Variants in ATG9B observed in about 807,000 individuals in gnomAD.
ATG9B encodes the protein autophagy related 9B, also known as autophagy-related protein 9B.
A neutral mutation model predicts 92.9 loss-of-function variants in ATG9B; 92 were observed. The observed-to-expected ratio is 0.99, with a 90% confidence interval of 0.84 to 1.18. The LOEUF is 1.18. Among genes scored for constraint, ATG9B ranks in the 50% most tolerant of loss-of-function variants. The pLI is 0.00. For missense variants in ATG9B, 1,344 were observed against 1,235.0 expected, an observed-to-expected ratio of 1.09 and a Z score of -1.32; for synonymous variants, 599 against 551.4, an observed-to-expected ratio of 1.09 and a Z score of -1.21.
rs760602070 is a variant in ATG9B at position 151,019,303 on chromosome 7, C to T, written c.1035G>A (p.Leu345=). ...RLLALQRSGG[L]CVQPRPLTEL... is the part of the protein sequence containing the mutation. ...CCGTCAGGGGCCGCGGCTGCACGCA[C>T]AGGCCCCCGCTCCGCTGCAGTGCCA... The change falls in exon 6 of 14, where the codon CTG becomes CTA. Residue 345 remains leucine (L), a synonymous_variant. Coordinates refer to ENST00000639579, the MANE Select transcript of ATG9B (RefSeq NM_001317056.2). The T allele has an allele frequency of 6.3e-6, 10 of 1,587,122 alleles. No individual in the cohort carries two copies. In the South Asian group the frequency reaches 1.1e-4, roughly 18 times the overall value.
Position 151,019,208 on chromosome 7 carries a change from A to G in ATG9B, c.1130T>C (p.Leu377Pro), listed in dbSNP as rs1461548586. The change falls in exon 6 of 14, where the codon CTG becomes CCG. Residue 377 changes from leucine (L) to proline (P), a missense_variant. Leu to Pro is a moderately conservative substitution (Grantham distance 98, BLOSUM62 -3). Coordinates refer to ENST00000639579, the MANE Select transcript of ATG9B (RefSeq NM_001317056.2). Reference protein sequence around the residue: ...YQVALANKGLLPARCPLPWGG... With the variant: ...YQVALANKGLPPARCPLPWGG... ...CCAGGGCAGCGGGCAGCGGGCCGGC[A>G]GCAGGCCTTTGTTGGCCAGCGCCAC... is the stretch of plus-strand genomic sequence containing the variant. 1 of 1,540,188 alleles carries G rather than the reference A, an allele frequency of 6.5e-7. No individual in the cohort carries two copies. Among genetic ancestry groups the G allele is most frequent in the Non-Finnish European group, 8.7e-7 (1 of 1,148,086 alleles).
Position 151,018,942 on chromosome 7 carries a change from C to A in ATG9B, c.1396G>T (p.Val466Leu). ...CCAGGCTCGCGCCGCAGCAGCTCCA[C>A]GTGGCTATAGAAGACGTGCAGAACC... ...WQVLHVFYSH[V>L]ELLRREPGAL... The change falls in exon 6 of 14, where the codon GTG (valine) becomes TTG (leucine). Residue 466 changes from valine to leucine, a missense_variant. By Grantham distance (32) the Val-to-Leu change is conservative. Coordinates refer to ENST00000639579, the MANE Select transcript of ATG9B (RefSeq NM_001317056.2). The surrounding 1 kb of genome is among the most constrained non-coding windows in gnomAD (Gnocchi z 4.7). 6.4e-7 allele frequency: 1 copy of A among 1,560,810 alleles called. No homozygotes were observed. Among genetic ancestry groups the A allele is most frequent in the Non-Finnish European group, 8.6e-7 (1 of 1,160,894 alleles).
chr7:151,014,092 T>C (rs772315573), downstream of ATG9B: 29 of 1,613,836 alleles, frequency 1.8e-5, no homozygotes, highest in South Asian at 3.2e-4. Context: ...CCAGAGCTTT[T>C]CCTTGCAGGA....
At chr7:151,013,592 C>T (rs1795359059), downstream of ATG9B, 8 of 957,418 alleles carry the variant, frequency 8.4e-6, no homozygotes, top group Non-Finnish European at 7.5e-6. Flanking sequence ...CCCCTGTTGA[C>T]ACCGCCCCAG....
Position 151,016,143 on chromosome 7 carries a change from CGA to C in ATG9B, c.2611_2612del (p.Ser871AlafsTer2). 6 of 1,540,518 alleles carry C rather than the reference CGA, an allele frequency of 3.9e-6. No homozygotes were observed. The highest frequency in any genetic ancestry group is 5.3e-6 in the Non-Finnish European group (6 of 1,140,482). On this transcript the variant is annotated frameshift_variant, in exon 12 of 14. Coordinates refer to ENST00000639579, the MANE Select transcript of ATG9B (RefSeq NM_001317056.2). LOFTEE classifies it high-confidence loss of function. ...RPCSSPSQPPSPDEEKPSWSS... is the reference protein window; with the variant it reads ...RPCSSPSQPPXPDEEKPSWSS... ...ACCAGGATGGCTTCTCCTCATCAGG[CGA>C]GGGTGGCTGTGAGGGGCTGGAGCAG...
In ATG9B at chr7:151,017,967, A is replaced by G; in HGVS notation, c.1956T>C (p.Ile652=). The G allele has an allele frequency of 1.2e-6, 2 of 1,608,046 alleles. No individual in the cohort carries two copies. The highest frequency in any genetic ancestry group is 3.4e-5 in the Admixed American group (2 of 59,168). ...CAGTGAAGTGATGAAAAAAGTCGAT[A>G]ATCTCCAGGGCACGAGGGCGGAACC... The part of the protein sequence containing the change: ...LFWFRPRALE[I]IDFFHHFTVD... The change falls in exon 8 of 14, where the codon ATT becomes ATC. Residue 652 remains isoleucine, a synonymous_variant. Coordinates refer to ENST00000639579, the MANE Select transcript of ATG9B (RefSeq NM_001317056.2).
At chr7:151,016,378 G>A in intron 11 of ATG9B, 53 bp downstream of exon 11, 1 of 1,535,714 alleles carries the variant, frequency 6.5e-7, no homozygotes, top group Non-Finnish European at 8.8e-7. Context: ...CAGTCTCCAT[G>A]TTGTTCACCT....
At chr7:151,012,249 G>T, downstream of ATG9B, 98 of 552,812 alleles carry the variant, frequency 1.8e-4, no homozygotes, top group Middle Eastern at 7.0e-4. Context: ...TTTTTTTTGA[G>T]ATGGGAAGAA....
At position 151,021,194 on chromosome 7, in the gene ATG9B, G is replaced by A. The variant is rs1316237183; in HGVS notation, c.957C>T (p.Ile319=). The A allele has an allele frequency of 1.9e-6, 3 of 1,613,346 alleles. No individual in the cohort carries two copies. The highest frequency in any genetic ancestry group is 2.2e-5 in the South Asian group (2 of 91,072). The change falls in exon 5 of 14, where the codon ATC becomes ATT. Residue 319 remains isoleucine (I), a synonymous_variant. Coordinates refer to ENST00000639579, the MANE Select transcript of ATG9B (RefSeq NM_001317056.2). ...IQVFYREALH[I]PPEELSSVPW... is the part of the protein sequence containing the mutation. ...ACACAGCCACCCAGCTCACCGGGGG[G>A]ATGTGCAGGGCCTCCCTGTAAAACA...
In ATG9B at chr7:151,024,353, G is replaced by C. The variant is rs368438639; in HGVS notation, c.71C>G (p.Ser24Trp). 1 of 1,395,018 alleles carries C rather than the reference G, an allele frequency of 7.2e-7. No homozygotes were observed. Among genetic ancestry groups the C allele is most frequent in the African/African-American group, 1.5e-5 (1 of 68,324 alleles). The allele number at this position is 1,395,018 out of a possible 1,614,324, so 86.4% of individuals were successfully genotyped here. ...LGRWGDLGPG[S>W]VPLLPMPLPP... The stretch of plus-strand genomic sequence containing the variant: ...CAGTGGCATGGGGAGGAGGGGCACC[G>C]ATCCGGGCCCCAGATCTCCCCACCG... The change falls in exon 1 of 14, where the codon TCG becomes TGG. Residue 24 changes from serine (S) to tryptophan (W), a missense_variant. Coordinates refer to ENST00000639579, the MANE Select transcript of ATG9B (RefSeq NM_001317056.2).
At position 151,019,437 on chromosome 7, in the gene ATG9B, C is replaced by T. The variant is rs1795668192; in HGVS notation, c.964-63G>A. On this transcript the variant is annotated intron_variant, in intron 5 of 13. Transcript: ENST00000639579. ...TCCTCTCCACAGTGATGCTCAAGCT[C>T]CACACCCCTAAGTGTGCGGCCTGAA... is the stretch of plus-strand genomic sequence containing the variant. The T allele has an allele frequency of 1.1e-5, 17 of 1,481,248 alleles. No homozygotes were observed. The South Asian group carries it at 2.2e-4, about 19-fold the overall frequency. 91.8% of individuals were successfully genotyped at this position (1,481,248 alleles called of 1,614,324 possible).
chr7:151,015,835 T>C, intron 13 of ATG9B, 47 bp downstream of exon 13: 2 of 1,515,580 alleles, frequency 1.3e-6, no homozygotes, highest in South Asian at 1.3e-5. Context: ...CCAAACCAAC[T>C]ACCTATGCCG....
Position 151,024,198 on chromosome 7 carries a change from A to G in ATG9B, c.226T>C (p.Ser76Pro). The change falls in exon 1 of 14, where the codon TCA becomes CCA. Residue 76 changes from serine to proline, a missense_variant. Coordinates refer to ENST00000639579, the MANE Select transcript of ATG9B (RefSeq NM_001317056.2). The stretch of plus-strand genomic sequence containing the variant: ...GAAGCCCCTGTCCCCTGTAGCACTG[A>G]GCAAGGGGGCCCTGCGGTGGGAGGG... Reference protein sequence around the residue: ...FSPPTAGPPCSVLQGTGASQS... With the variant: ...FSPPTAGPPCPVLQGTGASQS... The G allele has an allele frequency of 2.0e-6, 3 of 1,502,804 alleles. No homozygotes were observed. Among genetic ancestry groups the G allele is most frequent in the Non-Finnish European group, 2.7e-6 (3 of 1,124,522 alleles). 93.1% of individuals were successfully genotyped at this position (1,502,804 alleles called of 1,614,324 possible).
At chr7:151,023,297 T>C (rs1477190828) in intron 3 of ATG9B, 91 bp from the exon 4 acceptor site, 4 of 1,602,326 alleles carry the variant, frequency 2.5e-6, no homozygotes, top group Non-Finnish European at 2.6e-6. Context: ...AGCCCATGGT[T>C]ATCCTCCCTG....
rs548895669 is a variant in ATG9B, at chr7:151,021,791, AG to A, written c.822-463del. On this transcript the variant is annotated intron_variant, in intron 4 of 13. Coordinates refer to ENST00000639579, the MANE Select transcript of ATG9B (RefSeq NM_001317056.2). ...CAGCCTCCAGGGTAGCTGGGACTAC[AG>A]GCGCCCGCCACCACACCTGGCTAAT... Among the ~76,000 whole-genome samples the A allele has an allele frequency of 3.4e-4, 51 of 151,870 alleles. 1 individual carries two copies. In the South Asian group the frequency reaches 6.7e-3, roughly 20 times the overall value.
In ATG9B at chr7:151,019,289, C is replaced by T. The variant is rs769664369; in HGVS notation, c.1049G>A (p.Arg350Gln). ...QRSGGLCVQP[R>Q]PLTELDIHHR... ...GTGGATGTCCAGCTCCGTCAGGGGC[C>T]GCGGCTGCACGCACAGGCCCCCGCT... Residue 350 changes from arginine (R) to glutamine (Q), a missense_variant, in exon 6 of 14, where the codon CGG becomes CAG. Transcript: ENST00000639579. The T allele has an allele frequency of 6.3e-6, 10 of 1,586,482 alleles. No individual in the cohort carries two copies. Among genetic ancestry groups the T allele is most frequent in the Non-Finnish European group, 8.5e-6 (10 of 1,173,888 alleles).
intron 8 of ATG9B, 104 bp downstream of exon 8, chr7:151,017,767 C>T: frequency 7.4e-7 from 1 of 1,354,196 alleles, no homozygotes; most frequent in Non-Finnish European, 9.9e-7. Context: ...CTCAACGGCA[C>T]AGGTAGCAAG....
downstream of ATG9B, chr7:151,012,277 C>G (rs898191804): frequency 1.7e-5 from 22 of 1,280,934 alleles, no homozygotes; most frequent in South Asian, 2.5e-4. Flanking sequence ...CCTCCTTGCT[C>G]CACCCACCCT....
chr7:151,023,016 C>T, intron 4 of ATG9B, 29 bp downstream of exon 4: 1 of 1,613,768 alleles, frequency 6.2e-7, no homozygotes, highest in Non-Finnish European at 8.5e-7. Context: ...CATGCTTCAC[C>T]CCCAGGGCCC....
Sources: gnomAD v4.1 joint callset for allele counts (sites outside exome capture counted in the v4.1 genomes callset) on GRCh38, gnomAD v4.1.1 for gene constraint, Gnocchi (gnomAD v3.1) non-coding constraint, MANE v1.5 for transcripts, NCBI Gene and HGNC (gene_info 2026-07-23, HGNC 2026-07-21) for gene names.